UTRN: variants seen among roughly 807,000 people sequenced by gnomAD.
UTRN encodes the protein utrophin.
Under a neutral mutation model 463.9 loss-of-function variants are expected in UTRN, and 283 were observed. The ratio of observed to expected loss-of-function variants is 0.61; its 90% CI spans 0.55 to 0.67. UTRN has a LOEUF of 0.67. Among genes scored for constraint, UTRN ranks in the 30% least tolerant of loss-of-function variants. The probability of loss-of-function intolerance (pLI) is 0.00; values close to 1 mark genes in which losing one functional copy is unlikely to be tolerated. For synonymous variants in UTRN, 1,442 were observed against 1,431.5 expected (o/e 1.01, Z -0.17); for missense variants, 3,922 against 4,084.3 (o/e 0.96, Z 1.08).
At chr6:144,724,029 AG>A (rs1169457152) in intron 53 of UTRN, among the ~76,000 whole-genome samples, 31 of 144,216 alleles carry the variant, frequency 2.1e-4, no homozygotes, top group Admixed American at 2.8e-4. Flanking sequence ...AAAAAAAAAA[AG>A]AAAGAAAAAA....
rs906718213 is a variant in UTRN at position 144,548,978 on chromosome 6, G to A, written c.6810+124G>A. 48 of 961,066 alleles carry A rather than the reference G, an allele frequency of 5.0e-5. No homozygotes were observed. In the Middle Eastern group the frequency reaches 1.7e-3, roughly 34 times the overall value. 59.5% of individuals were successfully genotyped at this position (961,066 alleles called of 1,614,324 possible). On this transcript the variant is annotated intron_variant, in intron 47 of 74. Transcript: ENST00000367545. Reference sequence around the variant, plus strand: ...ATGAGGTTTAAAAAATTCTGTATCTGTCAAACAACCATTCAGGGCTAACTA... The same window carrying A: ...ATGAGGTTTAAAAAATTCTGTATCTATCAAACAACCATTCAGGGCTAACTA...
intron 2 of UTRN, among the ~76,000 whole-genome samples, chr6:144,372,858 G>A (rs1780122265): frequency 6.6e-6 from 1 of 152,066 alleles, no homozygotes; most frequent in Non-Finnish European, 1.5e-5. Flanking sequence ...ATGAGCAAAG[G>A]AATAGATATT....
intron 53 of UTRN, among the ~76,000 whole-genome samples, chr6:144,722,468 CA>C (rs1365871001): frequency 5.3e-5 from 8 of 152,012 alleles, no homozygotes; most frequent in Non-Finnish European, 1.2e-4. Flanking sequence ...TCCCTGTGTC[CA>C]CACTCCTATG....
At chr6:144,670,447 G>A (rs74825107) in intron 51 of UTRN, among the ~76,000 whole-genome samples, 4,317 of 150,408 alleles carry the variant, frequency 0.029, 219 homozygotes, top group African/African-American at 0.099. Context: ...GTCTATTCAT[G>A]TCCTTAATCA....
intron 27 of UTRN, among the ~76,000 whole-genome samples, chr6:144,484,968 G>A (rs985035638): frequency 6.6e-6 from 1 of 151,992 alleles, no homozygotes; most frequent in Non-Finnish European, 1.5e-5. Flanking sequence ...AGGCTGGAAT[G>A]CAGTGGTGCA....
At chr6:144,701,793 A>G (rs1784615988) in intron 53 of UTRN, among the ~76,000 whole-genome samples, 1 of 152,148 alleles carries the variant, frequency 6.6e-6, no homozygotes, top group East Asian at 1.9e-4. Context: ...AGACCCTGAA[A>G]TTTATTTATT....
At chr6:144,502,320 T>C (rs1044758344) in intron 34 of UTRN, among the ~76,000 whole-genome samples, 2 of 152,170 alleles carry the variant, frequency 1.3e-5, no homozygotes, top group East Asian at 3.9e-4. Context: ...GCAGGTTTGT[T>C]ACATAGGTAT....
chr6:144,730,584 A>G (rs1230748495), intron 54 of UTRN, 98 bp downstream of exon 54: 3 of 1,295,808 alleles, frequency 2.3e-6, no homozygotes, highest in Non-Finnish European at 3.0e-6. Context: ...TTTAGGATCT[A>G]ATATTTAAAT....
chr6:144,663,809 C>A (rs746108707), intron 51 of UTRN, among the ~76,000 whole-genome samples: 9 of 152,160 alleles, frequency 5.9e-5, no homozygotes, highest in Non-Finnish European at 1.2e-4. Context: ...ATGACTCTAT[C>A]TTTTATAATT....
intron 51 of UTRN, among the ~76,000 whole-genome samples, chr6:144,643,336 A>G (rs1006768442): frequency 1.3e-5 from 2 of 152,234 alleles, no homozygotes; most frequent in Admixed American, 6.5e-5. Context: ...ATGTATTTTA[A>G]GGAGACTGTA....
intron 2 of UTRN, among the ~76,000 whole-genome samples, chr6:144,316,429 A>G (rs1471478306): frequency 6.6e-6 from 1 of 152,248 alleles, no homozygotes; most frequent in African/African-American, 2.4e-5. Flanking sequence ...CTTTGTTTGC[A>G]GTCTCTTCAC....
intron 3 of UTRN, among the ~76,000 whole-genome samples, chr6:144,419,441 T>A (rs2114841237): frequency 6.6e-6 from 1 of 152,328 alleles, no homozygotes; most frequent in South Asian, 2.1e-4. Flanking sequence ...TCATCTGAAG[T>A]ATATGAATGA....
intron 65 of UTRN, among the ~76,000 whole-genome samples, chr6:144,815,922 A>G (rs184150810): frequency 3.3e-4 from 50 of 152,344 alleles, no homozygotes; most frequent in African/African-American, 1.2e-3. Flanking sequence ...TGATAGAATG[A>G]CACCATTTTG....
At chr6:144,433,615 C>A (rs967254612) in intron 9 of UTRN, among the ~76,000 whole-genome samples, 1 of 150,906 alleles carries the variant, frequency 6.6e-6, no homozygotes, top group Non-Finnish European at 1.5e-5. Context: ...AGGGTCTCCT[C>A]ACTTCTCAGA....
intron 65 of UTRN, among the ~76,000 whole-genome samples, chr6:144,810,879 C>A (rs1361738548): frequency 6.6e-6 from 1 of 152,118 alleles, no homozygotes; most frequent in African/African-American, 2.4e-5. Flanking sequence ...CAATGAGAAA[C>A]AGCTTATTAA....
In UTRN at chr6:144,483,993, C is replaced by T. The variant is rs75419388; in HGVS notation, c.3688-1392C>T. Among the ~76,000 whole-genome samples, 1,205 of 152,256 alleles carry T rather than the reference C, an allele frequency of 7.9e-3. 14 individuals are homozygous for T. Among genetic ancestry groups the T allele is most frequent in the African/African-American group, 0.027 (1,142 of 41,532 alleles). On this transcript the variant is annotated intron_variant, in intron 27 of 74. Transcript: ENST00000367545. ...GAGTGGACCGGCAGGTGCCTTCACT[C>T]ATTTATGTAAACCAGAAGATGCCTC...
At position 144,347,837 on chromosome 6, in the gene UTRN, G is replaced by GTTTTTTTTTTTTTTTTTTTTTTTTTTTTT. The variant is rs560581181; in HGVS notation, c.80-55274_80-55273insTTTTTTTTTTTTTTTTTTTTTTTTTTTTT. Among the ~76,000 whole-genome samples, 10 of 128,906 alleles carry GTTTTTTTTTTTTTTTTTTTTTTTTTTTTT rather than the reference G, an allele frequency of 7.8e-5. 2 individuals carry two copies. The highest frequency in any genetic ancestry group is 3.1e-4 in the African/African-American group (9 of 29,474). 84.6% of individuals were successfully genotyped at this position (128,906 alleles called of 152,430 possible). On this transcript the variant is annotated intron_variant, in intron 2 of 74. Transcript: ENST00000367545. ...TCTCCTGAACTGTGGCTTATTCTTT[G>GTTTTTTTTTTTTTTTTTTTTTTTTTTTTT]TTTTTTTTTTTTGTTTTTTTTTTTG...
intron 1 of UTRN, among the ~76,000 whole-genome samples, chr6:144,289,717 C>T (rs944576570): frequency 1.3e-5 from 2 of 152,016 alleles, no homozygotes; most frequent in Non-Finnish European, 2.9e-5. Flanking sequence ...AGCACAATTT[C>T]GGCTCACTGT....
At chr6:144,384,901 A>T (rs954121827) in intron 2 of UTRN, among the ~76,000 whole-genome samples, 2 of 152,146 alleles carry the variant, frequency 1.3e-5, no homozygotes, top group Non-Finnish European at 2.9e-5. Context: ...TTCTGCTTTC[A>T]GTTCTTCTGG....
Sources: gnomAD v4.1 joint callset for allele counts (sites outside exome capture counted in the v4.1 genomes callset) on GRCh38, gnomAD v4.1.1 for gene constraint, MANE v1.5 for transcripts, NCBI Gene and HGNC (gene_info 2026-07-23, HGNC 2026-07-21) for gene names.